COBLL1: variants seen among roughly 807,000 people sequenced by gnomAD.
COBLL1 encodes the protein cordon-bleu protein-like 1.
COBLL1 carries 50 observed loss-of-function variants against 94.8 expected under a neutral mutation model. The ratio of observed to expected loss-of-function variants is 0.53; its 90% CI spans 0.42 to 0.67. COBLL1 has a LOEUF of 0.67. Ranked by LOEUF, COBLL1 falls within the 30% of genes least tolerant of loss-of-function variation. The pLI, the probability that COBLL1 is intolerant of heterozygous loss-of-function variation, is 0.00. For synonymous variants in COBLL1, 448 were observed against 473.8 expected (o/e 0.95, Z 0.71); for missense variants, 1,362 against 1,348.7 (o/e 1.01, Z -0.15).
At chr2:164,764,796 A>G (rs1687855053) in intron 2 of COBLL1, among the ~76,000 whole-genome samples, 1 of 152,180 alleles carries the variant, frequency 6.6e-6, no homozygotes, top group Non-Finnish European at 1.5e-5. Context: ...CATAACATTT[A>G]TTTTAAAAAT....
At chr2:164,805,467 C>T (rs1036640077) in intron 2 of COBLL1, among the ~76,000 whole-genome samples, 5 of 148,678 alleles carry the variant, frequency 3.4e-5, no homozygotes, top group East Asian at 2.0e-4. Flanking sequence ...ATGGTTTTAC[C>T]GCCCTAAAAA....
chr2:164,664,040 T>C (rs1691111720), intron 2 of COBLL1, among the ~76,000 whole-genome samples: 2 of 152,252 alleles, frequency 1.3e-5, no homozygotes. Context: ...ATCAGAGTTA[T>C]TGGAGACTTT....
Position 164,743,693 on chromosome 2 carries a change from T to C in COBLL1, c.224A>G (p.His75Arg), listed in dbSNP as rs370618761. The change falls in exon 3 of 14, where the codon CAT (histidine) becomes CGT (arginine). Residue 75 changes from histidine (H) to arginine (R), a missense_variant. Coordinates refer to ENST00000652658, the MANE Select transcript of COBLL1 (RefSeq NM_001365672.2). ...PGDIIKSTTV[H>R]GSKPMMDLLI... ...TTCATTTACTCCAGCGTACCTGCCA[T>C]GAACAGTAGTAGATTTGATAATATC... The C allele has an allele frequency of 1.2e-4, 195 of 1,612,628 alleles. No individual in the cohort carries two copies. The highest frequency in any genetic ancestry group is 1.5e-4 in the Non-Finnish European group (181 of 1,178,808).
At chr2:164,703,703 G>A in intron 9 of COBLL1, 1 of 343,234 alleles carries the variant, frequency 2.9e-6, no homozygotes, top group Non-Finnish European at 5.8e-6. Flanking sequence ...TAAAAATCAG[G>A]CGAGTCATAT....
At chr2:164,803,251 C>T (rs747329500) in intron 2 of COBLL1, among the ~76,000 whole-genome samples, 16 of 152,086 alleles carry the variant, frequency 1.1e-4, no homozygotes, top group Non-Finnish European at 2.2e-4. Context: ...TCTTTAAAAG[C>T]GTTAATCATA....
intron 9 of COBLL1, chr2:164,703,102 A>G: frequency 6.3e-7 from 1 of 1,592,398 alleles, no homozygotes; most frequent in South Asian, 1.1e-5. Context: ...CTGACCACCT[A>G]CATGTCAATG....
intron 2 of COBLL1, among the ~76,000 whole-genome samples, chr2:164,833,430 C>A (rs1683171219): frequency 6.7e-6 from 1 of 150,344 alleles, no homozygotes; most frequent in African/African-American, 2.5e-5. Context: ...GCTTAATAGG[C>A]CATTTCTCCT....
chr2:164,741,702 C>T (rs1444111726), intron 3 of COBLL1, among the ~76,000 whole-genome samples: 1 of 151,986 alleles, frequency 6.6e-6, no homozygotes, highest in East Asian at 1.9e-4. Flanking sequence ...GAAAGTTACT[C>T]AGATTTAGGG....
At chr2:164,679,793 G>A (rs897711159), downstream of COBLL1, among the ~76,000 whole-genome samples, 3 of 151,504 alleles carry the variant, frequency 2.0e-5, no homozygotes, top group Admixed American at 6.6e-5. Flanking sequence ...GGGTGGGGGC[G>A]GGGGCTAGAG....
chr2:164,827,269 C>T (rs1405735147), intron 2 of COBLL1, among the ~76,000 whole-genome samples: 2 of 152,116 alleles, frequency 1.3e-5, no homozygotes, highest in Non-Finnish European at 2.9e-5. Context: ...AGGTTTTTCT[C>T]ATGGTAAATT....
chr2:164,821,925 G>C (rs1288086179), intron 2 of COBLL1, among the ~76,000 whole-genome samples: 1 of 152,140 alleles, frequency 6.6e-6, no homozygotes, highest in Admixed American at 6.5e-5. Flanking sequence ...AACCAATCTT[G>C]TTAACTTTTC....
chr2:164,830,881 A>C (rs1027882594), intron 2 of COBLL1, among the ~76,000 whole-genome samples: 4 of 152,244 alleles, frequency 2.6e-5, no homozygotes, highest in African/African-American at 9.6e-5. Flanking sequence ...CTAGCATTAA[A>C]TATTTTTCAT....
chr2:164,807,595 T>A (rs1684240769), intron 2 of COBLL1, among the ~76,000 whole-genome samples: 1 of 152,178 alleles, frequency 6.6e-6, no homozygotes, highest in East Asian at 1.9e-4. Flanking sequence ...CATTTTCCAC[T>A]TTGATAATGT....
At chr2:164,822,556 A>G (rs1009499117) in intron 2 of COBLL1, among the ~76,000 whole-genome samples, 16 of 152,086 alleles carry the variant, frequency 1.1e-4, no homozygotes, top group African/African-American at 3.6e-4. Flanking sequence ...GCCATTAATT[A>G]TCTCAAGCTG....
At chr2:164,666,519 A>G (rs1028856457) in intron 1 of COBLL1, among the ~76,000 whole-genome samples, 2 of 152,192 alleles carry the variant, frequency 1.3e-5, no homozygotes, top group African/African-American at 4.8e-5. Flanking sequence ...ATAATATACC[A>G]GTGAAGCTTG....
At position 164,730,112 on chromosome 2, in the gene COBLL1, T is replaced by C. The variant is rs545766563; in HGVS notation, c.234A>G (p.Lys78=). Residue 78 remains lysine (K), a synonymous_variant, in exon 4 of 14, where the codon AAA becomes AAG. Coordinates refer to ENST00000652658, the MANE Select transcript of COBLL1 (RefSeq NM_001365672.2). ...IIKSTTVHGS[K]PMMDLLIFLC... ...GGAATATCAACAAGTCCATCATAGG[T>C]TTACTGTAAAACAAGAGTATTTCAT... 1.2e-6 allele frequency: 2 copies of C among 1,612,088 alleles called. No homozygotes were observed. Among genetic ancestry groups the C allele is most frequent in the Non-Finnish European group, 8.5e-7 (1 of 1,178,316 alleles).
intron 2 of COBLL1, among the ~76,000 whole-genome samples, chr2:164,662,604 G>A (rs1045410900): frequency 2.0e-5 from 3 of 152,164 alleles, no homozygotes; most frequent in African/African-American, 7.2e-5. Context: ...AGTGTTGGAG[G>A]TGGGGCCTAG....
intron 2 of COBLL1, among the ~76,000 whole-genome samples, chr2:164,754,396 T>C (rs916671851): frequency 1.3e-5 from 2 of 152,162 alleles, no homozygotes; most frequent in Non-Finnish European, 2.9e-5. Flanking sequence ...TGAGATTAGG[T>C]TACGAAAAGA....
intron 2 of COBLL1, among the ~76,000 whole-genome samples, chr2:164,826,660 T>C (rs1490088234): frequency 2.0e-5 from 3 of 152,204 alleles, no homozygotes; most frequent in Admixed American, 2.0e-4. Flanking sequence ...CCAAGCTCAC[T>C]CTACAGTAGC....
Sources: allele counts gnomAD v4.1 joint callset (sites outside exome capture counted in the v4.1 genomes callset), GRCh38; gene constraint gnomAD v4.1.1; transcripts MANE v1.5; gene names NCBI Gene and HGNC (gene_info 2026-07-23, HGNC 2026-07-21).